PCLO: variants seen among roughly 807,000 people sequenced by gnomAD.
PCLO encodes piccolo presynaptic cytomatrix protein, also known as protein piccolo.
PCLO carries 82 observed loss-of-function variants against 427.5 expected under a neutral mutation model. The ratio of observed to expected loss-of-function variants is 0.19; its 90% confidence interval spans 0.16 to 0.23. The LOEUF is 0.23. PCLO is among the 10% of genes least tolerant of loss of function. The probability of loss-of-function intolerance (pLI) is 1.00; values close to 1 mark genes in which losing one functional copy is unlikely to be tolerated. For missense variants in PCLO, 6,239 were observed against 6,115.9 expected (o/e 1.02, Z -0.67); for synonymous variants, 2,357 against 2,155.4 (o/e 1.09, Z -2.59).
chr7:82,867,814 C>A (rs544682491), intron 10 of PCLO, among the ~76,000 whole-genome samples: 9 of 152,236 alleles, frequency 5.9e-5, no homozygotes, highest in South Asian at 2.1e-4. Context: ...TAATTCTCCT[C>A]TGATAAATTT....
chr7:82,775,774 C>T (rs1198174207), intron 22 of PCLO, among the ~76,000 whole-genome samples: 1 of 151,960 alleles, frequency 6.6e-6, no homozygotes, highest in Non-Finnish European at 1.5e-5. Context: ...TTGATATTAT[C>T]CCCCCAAATT....
intron 22 of PCLO, among the ~76,000 whole-genome samples, chr7:82,782,154 C>T (rs1292636072): frequency 2.0e-5 from 3 of 152,086 alleles, no homozygotes; most frequent in African/African-American, 7.2e-5. Context: ...GAGCCCTTGA[C>T]CTGTGGGTTC....
Position 82,757,302 on chromosome 7 carries a change from GT to G in PCLO, c.*1272del, listed in dbSNP as rs1191238346. On this transcript the variant is annotated 3_prime_UTR_variant, in exon 25 of 25. Coordinates refer to ENST00000333891, the MANE Select transcript of PCLO (RefSeq NM_033026.6). ...TCATTTTAAGACTTGGACATTAGTT[GT>G]TTTATTCATTATTATTAAAATAGCT... 3 of 151,824 alleles carry G rather than the reference GT, an allele frequency of 2.0e-5. No individual in the cohort carries two copies. The highest frequency in any genetic ancestry group is 2.0e-4 in the Admixed American group (3 of 15,216). 9.4% of individuals were successfully genotyped at this position (151,824 alleles called of 1,614,324 possible). A position where few individuals can be genotyped will look rare whatever the true frequency, so the allele number is the denominator to read the frequency against.
Position 82,914,438 on chromosome 7 carries a change from C to A in PCLO, c.13300+248G>T, listed in dbSNP as rs1794394761. 2.6e-5 allele frequency: 15 copies of A among 571,830 alleles called. No homozygotes were observed. The East Asian group carries it at 2.8e-4, about 11-fold the overall frequency. The allele number at this position is 571,830 out of a possible 1,614,324, so 35.4% of individuals were successfully genotyped here. On this transcript the variant is annotated intron_variant, in intron 7 of 24. Coordinates refer to ENST00000333891, the MANE Select transcript of PCLO (RefSeq NM_033026.6). Reference sequence around the variant, plus strand: ...ATAATGGTTTTAGAAAAGCAGACACCAAACAAATCAAGCAAACAATCAAGA... The same window carrying A: ...ATAATGGTTTTAGAAAAGCAGACACAAAACAAATCAAGCAAACAATCAAGA...
chr7:83,158,525 A>AAT (rs1298786983), intron 1 of PCLO, among the ~76,000 whole-genome samples: 1 of 151,870 alleles, frequency 6.6e-6, no homozygotes, highest in African/African-American at 2.4e-5. Flanking sequence ...GAGTACCAAA[A>AAT]AAAAAATCTA....
At chr7:82,849,351 G>C (rs969101240) in intron 10 of PCLO, among the ~76,000 whole-genome samples, 4 of 152,052 alleles carry the variant, frequency 2.6e-5, no homozygotes, top group African/African-American at 9.7e-5. Context: ...TACATGATCT[G>C]CTCCATACCA....
At position 82,934,526 on chromosome 7, in the gene PCLO, T is replaced by C. The variant is rs193075006; in HGVS notation, c.11112+14950A>G. Among the ~76,000 whole-genome samples the C allele has an allele frequency of 3.8e-3, 571 of 151,940 alleles. 6 individuals carry two copies. The highest frequency in any genetic ancestry group is 0.013 in the African/African-American group (550 of 41,550). On this transcript the variant is annotated intron_variant, in intron 6 of 24. Transcript: ENST00000333891. ...ATCTTAAGATGAAAACATATGATAA[T>C]TGCTTTCTTAAATTTATGACTGCTT... is the stretch of plus-strand genomic sequence containing the variant.
Position 83,155,285 on chromosome 7 carries a change from T to C in PCLO, c.1356A>G (p.Gln452=), listed in dbSNP as rs373214101. 3.7e-5 allele frequency: 59 copies of C among 1,613,916 alleles called. 1 individual carries two copies. The African/African-American group carries it at 7.2e-4, about 20-fold the overall frequency. ...QQPGPGKIPA[Q]QAGPGKTSAQ... ...CAGAAGTCTTTCCGGGTCCTGCCTG[T>C]TGAGCTGGAATCTTTCCTGGCCCAG... The change falls in exon 2 of 25, where the codon CAA becomes CAG. Residue 452 remains glutamine (Q), a synonymous_variant. Coordinates refer to ENST00000333891, the MANE Select transcript of PCLO (RefSeq NM_033026.6).
At position 83,134,697 on chromosome 7, in the gene PCLO, T is replaced by A. The variant is rs372528862; in HGVS notation, c.2853A>T (p.Gln951His). The A allele has an allele frequency of 1.2e-6, 2 of 1,613,642 alleles. No homozygotes were observed. Among genetic ancestry groups the A allele is most frequent in the Non-Finnish European group, 1.7e-6 (2 of 1,179,790 alleles). The change falls in exon 3 of 25, where the codon CAA becomes CAT. Residue 951 changes from glutamine to histidine, a missense_variant. Coordinates refer to ENST00000333891, the MANE Select transcript of PCLO (RefSeq NM_033026.6). ...GTCCACTTTGTGAATGAGGTCCAGG[T>A]TGGCCTGCAGTGGAAATTAAATTTG... ...QASNLISTAG[Q>H]PGPHSQSGPG...
At chr7:82,972,465 C>A (rs534131551) in intron 3 of PCLO, among the ~76,000 whole-genome samples, 1 of 152,092 alleles carries the variant, frequency 6.6e-6, no homozygotes, top group South Asian at 2.1e-4. Flanking sequence ...GTAAGACTTG[C>A]AGCAGGTTGA....
intron 20 of PCLO, among the ~76,000 whole-genome samples, chr7:82,819,530 G>C (rs1791746479): frequency 6.6e-6 from 1 of 152,104 alleles, no homozygotes; most frequent in African/African-American, 2.4e-5. Flanking sequence ...TTATTTGATG[G>C]AAGAAAAGGT....
intron 3 of PCLO, among the ~76,000 whole-genome samples, chr7:83,020,568 C>T (rs564326499): frequency 2.0e-5 from 3 of 152,236 alleles, no homozygotes; most frequent in African/African-American, 4.8e-5. Flanking sequence ...TGCTCTGCCA[C>T]GTAAGAACAT....
At chr7:82,920,334 C>T (rs949467461) in intron 6 of PCLO, among the ~76,000 whole-genome samples, 2 of 151,576 alleles carry the variant, frequency 1.3e-5, no homozygotes, top group Non-Finnish European at 1.5e-5. Flanking sequence ...TAGAAAAAAA[C>T]TTGTTGTTTA....
chr7:83,151,569 T>C (rs773437341), intron 2 of PCLO, among the ~76,000 whole-genome samples: 1 of 152,202 alleles, frequency 6.6e-6, no homozygotes. Context: ...TTTACATAGC[T>C]AGTGAGCTTC....
chr7:82,981,964 T>TA, intron 3 of PCLO, among the ~76,000 whole-genome samples: 1 of 152,226 alleles, frequency 6.6e-6, no homozygotes, highest in South Asian at 2.1e-4. Flanking sequence ...ACCTTTCTTC[T>TA]TCTCCGGTTT....
At chr7:82,867,939 C>T (rs968437884) in intron 10 of PCLO, among the ~76,000 whole-genome samples, 1 of 152,068 alleles carries the variant, frequency 6.6e-6, no homozygotes, top group Non-Finnish European at 1.5e-5. Context: ...ATATTAGAAC[C>T]TATCAGCCCA....
intron 13 of PCLO, among the ~76,000 whole-genome samples, chr7:82,843,197 T>A (rs1360001586): frequency 1.3e-5 from 2 of 152,146 alleles, no homozygotes; most frequent in East Asian, 3.9e-4. Flanking sequence ...GTGTTACATA[T>A]ACACAACAGA....
intron 3 of PCLO, among the ~76,000 whole-genome samples, chr7:83,042,321 C>T (rs139734398): frequency 2.6e-3 from 398 of 152,208 alleles, no homozygotes; most frequent in Admixed American, 4.7e-3. Flanking sequence ...ATTTGTATCT[C>T]TGCATTGATA....
chr7:82,896,742 C>G (rs1793914175), intron 9 of PCLO, among the ~76,000 whole-genome samples: 2 of 151,524 alleles, frequency 1.3e-5, no homozygotes, highest in African/African-American at 4.8e-5. Flanking sequence ...GAGATCTGTT[C>G]TAATTTGTCT....
Sources: gnomAD v4.1 joint callset for allele counts (sites outside exome capture counted in the v4.1 genomes callset) on GRCh38, gnomAD v4.1.1 for gene constraint, MANE v1.5 for transcripts, NCBI Gene and HGNC (gene_info 2026-07-23, HGNC 2026-07-21) for gene names.